The following ACER3 variants were observed in gnomAD, a reference collection of about 807,000 sequenced individuals.
The protein encoded by ACER3 is alkCDase 3.
A neutral mutation model predicts 48.9 loss-of-function variants in ACER3; 16 were observed. That is an observed-to-expected ratio of 0.33 (90% confidence interval 0.22 to 0.50). The LOEUF is 0.50. ACER3 is among the 20% of genes least tolerant of loss of function. ACER3 has a pLI of 0.98. For synonymous variants in ACER3, 109 were observed against 107.8 expected (o/e 1.01, Z -0.07); for missense variants, 227 against 326.0 (o/e 0.70, Z 2.34).
chr11:76,952,691 G>GTTTTTTTTT, intron 2 of ACER3, among the ~76,000 whole-genome samples: 1 of 110,642 alleles, frequency 9.0e-6, no homozygotes. Flanking sequence ...TTTTTAGACA[G>GTTTTTTTTT]AGTCTCATTC....
At chr11:76,899,321 G>A (rs1169624326) in intron 1 of ACER3, among the ~76,000 whole-genome samples, 1 of 152,010 alleles carries the variant, frequency 6.6e-6, no homozygotes, top group East Asian at 1.9e-4. Flanking sequence ...TTTCTTCTAC[G>A]GAAAGAAAGC....
chr11:77,000,717 G>A (rs1949015998), intron 7 of ACER3, among the ~76,000 whole-genome samples: 1 of 152,034 alleles, frequency 6.6e-6, no homozygotes, highest in Admixed American at 6.6e-5. Flanking sequence ...AAATTATTTG[G>A]GTAGATTTGT....
intron 1 of ACER3, among the ~76,000 whole-genome samples, chr11:76,901,013 A>C (rs1247257542): frequency 2.0e-5 from 3 of 152,128 alleles, no homozygotes; most frequent in Admixed American, 2.0e-4. Context: ...GATGGCATTC[A>C]TGACTTTTTT....
At chr11:76,905,155 T>G (rs1193058729) in intron 1 of ACER3, among the ~76,000 whole-genome samples, 1 of 152,102 alleles carries the variant, frequency 6.6e-6, no homozygotes, top group African/African-American at 2.4e-5. Flanking sequence ...CCTGGCCATG[T>G]GTGTGTATTT....
In ACER3 at chr11:77,023,399, C is replaced by T. The variant is rs536611054; in HGVS notation, c.*3072C>T. 2.7e-6 allele frequency: 1 copy of T among 370,446 alleles called. No homozygotes were observed. Among genetic ancestry groups the T allele is most frequent in the South Asian group, 1.5e-4 (1 of 6,742 alleles). The allele number at this position is 370,446 out of a possible 1,614,324, so 22.9% of individuals were successfully genotyped here. ...ATGCATGAAAATCTTTAAATGCCTGCAAAAATTAAGTTCTGTTATAATACC... is the reference window on the plus strand; with the variant it reads ...ATGCATGAAAATCTTTAAATGCCTGTAAAAATTAAGTTCTGTTATAATACC... On this transcript the variant is annotated 3_prime_UTR_variant, in exon 11 of 11. Transcript: ENST00000532485.
At position 77,005,998 on chromosome 11, in the gene ACER3, T is replaced by A. The variant is rs1217425286; in HGVS notation, c.497+7177T>A. 6.1e-3 allele frequency among the ~76,000 whole-genome samples: 635 copies of A among 103,840 alleles called. 10 individuals carry two copies. The highest frequency in any genetic ancestry group is 0.023 in the Middle Eastern group (4 of 176). 68.1% of individuals were successfully genotyped at this position (103,840 alleles called of 152,430 possible). A position where few individuals can be genotyped will look rare whatever the true frequency, so the allele number is the denominator to read the frequency against. ...ATATATATATATATATATATTTTTTTTTTTTTTTGAGCCAGAGTTTCACTC... is the reference window on the plus strand; with the variant it reads ...ATATATATATATATATATATTTTTTATTTTTTTTGAGCCAGAGTTTCACTC... On this transcript the variant is annotated intron_variant, in intron 7 of 10. Transcript: ENST00000532485.
chr11:77,010,281 G>C lies in ACER3; in HGVS notation c.498-4735G>C, dbSNP rs535480905. Among the ~76,000 whole-genome samples, 118 of 151,468 alleles carry C rather than the reference G, an allele frequency of 7.8e-4. 3 individuals carry two copies. The highest frequency in any genetic ancestry group is 6.9e-3 in the Middle Eastern group (2 of 290). ...GAGGATTACTTGAGCCCTGGAGCTT[G>C]AGGTTACAGTGAGCTATGATCGCAC... On this transcript the variant is annotated intron_variant, in intron 7 of 10. Transcript: ENST00000532485.
At position 77,023,236 on chromosome 11, in the gene ACER3, A is replaced by G; in HGVS notation, c.*2909A>G. On this transcript the variant is annotated 3_prime_UTR_variant, in exon 11 of 11. Coordinates refer to ENST00000532485, the MANE Select transcript of ACER3 (RefSeq NM_018367.7). ...GTGTTTTGTTTGACAGAAGTAAATC[A>G]AATATTATGGTTTAAATATAATGCA... 1 of 398,360 alleles carries G rather than the reference A, an allele frequency of 2.5e-6. No homozygotes were observed. Among genetic ancestry groups the G allele is most frequent in the Non-Finnish European group, 4.4e-6 (1 of 225,878 alleles). The allele number at this position is 398,360 out of a possible 1,614,324, so 24.7% of individuals were successfully genotyped here. A position where few individuals can be genotyped will look rare whatever the true frequency, so the allele number is the denominator to read the frequency against.
At chr11:76,936,272 A>G (rs1209055092) in intron 2 of ACER3, among the ~76,000 whole-genome samples, 2 of 152,164 alleles carry the variant, frequency 1.3e-5, no homozygotes, top group African/African-American at 4.8e-5. Context: ...ACCCAAACCT[A>G]TATTGGGGTT....
intron 1 of ACER3, among the ~76,000 whole-genome samples, chr11:76,907,839 C>G (rs763247408): frequency 1.3e-5 from 2 of 152,118 alleles, no homozygotes; most frequent in African/African-American, 4.8e-5. Flanking sequence ...CCACTGCACT[C>G]CAGCCTGGGC....
At chr11:76,984,773 A>G (rs1310859543) in intron 4 of ACER3, among the ~76,000 whole-genome samples, 5 of 152,250 alleles carry the variant, frequency 3.3e-5, no homozygotes, top group Non-Finnish European at 7.3e-5. Flanking sequence ...AGGAATCATT[A>G]GTTGCAAGAT....
At chr11:76,946,491 G>C (rs1466205513) in intron 2 of ACER3, among the ~76,000 whole-genome samples, 1 of 152,192 alleles carries the variant, frequency 6.6e-6, no homozygotes, top group Non-Finnish European at 1.5e-5. Context: ...CCCAAACTCA[G>C]CCTGAGGGTG....
chr11:76,945,364 G>A (rs1947445489), intron 2 of ACER3, among the ~76,000 whole-genome samples: 1 of 152,014 alleles, frequency 6.6e-6, no homozygotes, highest in South Asian at 2.1e-4. Flanking sequence ...GCTTTTGCAG[G>A]GCAGAATTTT....
In ACER3 at chr11:76,975,209, C is replaced by A. The variant is rs547008171; in HGVS notation, c.268-1080C>A. ...TTTAATCATGCTTTCATTCCCTTAA[C>A]CTCTAATTAGAATGCGAACTCCTTG... is the stretch of plus-strand genomic sequence containing the variant. On this transcript the variant is annotated intron_variant, in intron 3 of 10. Transcript: ENST00000532485. 2.0e-5 allele frequency among the ~76,000 whole-genome samples: 3 copies of A among 152,244 alleles called. No homozygotes were observed. The East Asian group carries it at 5.8e-4, about 29-fold the overall frequency.
intron 1 of ACER3, among the ~76,000 whole-genome samples, chr11:76,901,470 C>G (rs1315543754): frequency 6.6e-6 from 1 of 152,048 alleles, no homozygotes; most frequent in Non-Finnish European, 1.5e-5. Context: ...TAAGGGCAGT[C>G]CTGATCATAA....
At chr11:76,943,474 T>C (rs1947391266) in intron 2 of ACER3, among the ~76,000 whole-genome samples, 1 of 152,062 alleles carries the variant, frequency 6.6e-6, no homozygotes, top group Admixed American at 6.6e-5. Context: ...GTTTCCAGAG[T>C]TCCTTTGGTA....
At chr11:76,980,287 A>G (rs1238037523) in intron 4 of ACER3, among the ~76,000 whole-genome samples, 1 of 152,264 alleles carries the variant, frequency 6.6e-6, no homozygotes, top group East Asian at 1.9e-4. Context: ...TGATGTTTAT[A>G]TATCTTTAGG....
rs1422766550 is a variant in ACER3, at chr11:76,865,197, C to G, written c.103+4118C>G. The stretch of plus-strand genomic sequence containing the variant: ...ACAGGGTTTTGCCATGTTGCCCAAG[C>G]TGGTCTCAAACTCCTGAGCTCAAGC... On this transcript the variant is annotated intron_variant, in intron 1 of 10. Transcript: ENST00000532485. 5.4e-5 allele frequency among the ~76,000 whole-genome samples: 8 copies of G among 147,482 alleles called. No homozygotes were observed. The Admixed American group carries it at 5.5e-4, about 10-fold the overall frequency.
At chr11:76,934,653 T>C in intron 2 of ACER3, among the ~76,000 whole-genome samples, 1 of 100,572 alleles carries the variant, frequency 9.9e-6, no homozygotes, top group South Asian at 3.4e-4. Context: ...CAGCTTTGGC[T>C]CGGCATCAGA....
Sources: allele counts gnomAD v4.1 joint callset (sites outside exome capture counted in the v4.1 genomes callset), GRCh38; gene constraint gnomAD v4.1.1; transcripts MANE v1.5; gene names NCBI Gene and HGNC (gene_info 2026-07-23, HGNC 2026-07-21).